The following CCDC15 variants were observed in gnomAD, a reference collection of about 807,000 sequenced individuals.
CCDC15 encodes the protein coiled-coil domain containing 15, also known as coiled-coil domain-containing protein 15.
Under a neutral mutation model 114.5 loss-of-function variants are expected in CCDC15, and 105 were observed. That is an observed-to-expected ratio of 0.92 (90% CI 0.78 to 1.08). The LOEUF (loss-of-function observed/expected upper bound fraction) is 1.08. Ranked by LOEUF, CCDC15 falls within the 50% of genes least tolerant of loss-of-function variation. The probability of loss-of-function intolerance (pLI) is 0.00; values close to 1 mark genes in which losing one functional copy is unlikely to be tolerated. For missense variants in CCDC15, 1,105 were observed against 1,093.6 expected, an observed-to-expected ratio of 1.01 and a Z score of -0.15; for synonymous variants, 334 against 377.8, an observed-to-expected ratio of 0.88 and a Z score of 1.34.
Position 124,988,130 on chromosome 11 carries a change from A to T in CCDC15, c.1904A>T (p.Tyr635Phe), listed in dbSNP as rs1565368651. Residue 635 changes from tyrosine to phenylalanine, a missense_variant, in exon 8 of 16, where the codon TAT becomes TTT. Physicochemically the swap from Tyr to Phe is conservative, Grantham distance 22 (BLOSUM62 3). Transcript: ENST00000344762. The part of the protein sequence containing the change: ...KCQDQDFLPK[Y>F]QKVHFKEPYS... The stretch of plus-strand genomic sequence containing the variant: ...CAGGACCAAGATTTTCTACCAAAAT[A>T]TCAGGTAAAATAGAGCAGAAAGGAG... 3 of 1,609,040 alleles carry T rather than the reference A, an allele frequency of 1.9e-6. No individual in the cohort carries two copies. The highest frequency in any genetic ancestry group is 8.5e-7 in the Non-Finnish European group (1 of 1,178,154).
intron 13 of CCDC15, among the ~76,000 whole-genome samples, chr11:125,024,537 T>C (rs984002028): frequency 6.6e-6 from 1 of 152,118 alleles, no homozygotes; most frequent in African/African-American, 2.4e-5. Context: ...TTGTCAAATC[T>C]ATCCCCAAGT....
rs1948518356 is a variant in CCDC15, at chr11:125,003,896, C to T, written c.2244C>T (p.Ser748=). 6.4e-7 allele frequency: 1 copy of T among 1,564,426 alleles called. No homozygotes were observed. Among genetic ancestry groups the T allele is most frequent in the Admixed American group, 2.0e-5 (1 of 49,670 alleles). Residue 748 remains serine, a synonymous_variant, in exon 12 of 16, where the codon AGC becomes AGT. Transcript: ENST00000344762. ...LAYDRYQSGL[S]TEFQAPLAFQ... ...ATGATAGGTATCAATCAGGATTGAG[C>T]ACTGAATTCCAAGCTCCACTGGCAT...
intron 9 of CCDC15, among the ~76,000 whole-genome samples, chr11:124,991,903 C>T (rs541877469): frequency 9.9e-5 from 15 of 152,240 alleles, no homozygotes; most frequent in African/African-American, 2.4e-4. Context: ...AGGCGGGTCT[C>T]GAACTCCTGA....
chr11:125,032,691 C>G (rs917446712), intron 13 of CCDC15, among the ~76,000 whole-genome samples: 2 of 152,156 alleles, frequency 1.3e-5, no homozygotes, highest in African/African-American at 4.8e-5. Context: ...TAGCCCTCAC[C>G]CTACCAATCA....
rs184717604 is a variant in CCDC15 at position 124,970,292 on chromosome 11, T to C, written c.517-4804T>C. Among the ~76,000 whole-genome samples, 251 of 152,328 alleles carry C rather than the reference T, an allele frequency of 1.6e-3. 1 individual carries two copies. The Middle Eastern group carries it at 0.017, about 10-fold the overall frequency. On this transcript the variant is annotated intron_variant, in intron 4 of 15. Coordinates refer to ENST00000344762, the MANE Select transcript of CCDC15 (RefSeq NM_025004.3). The stretch of plus-strand genomic sequence containing the variant: ...GGTAAGGAATATTTATTGGCCCAGC[T>C]TGCCTTTTTGCATTAGGTCTACATT...
At chr11:124,973,623 A>ATTTTTT (rs1565359715) in intron 4 of CCDC15, among the ~76,000 whole-genome samples, 47 of 151,768 alleles carry the variant, frequency 3.1e-4, no homozygotes, top group African/African-American at 1.1e-3. Context: ...AAGCCATAAA[A>ATTTTTT]TTTATTTTAT....
intron 13 of CCDC15, among the ~76,000 whole-genome samples, chr11:125,005,843 A>G (rs556670632): frequency 6.6e-6 from 1 of 152,182 alleles, no homozygotes; most frequent in South Asian, 2.1e-4. Context: ...GGCTTTTTAT[A>G]CTTAGAAATA....
intron 4 of CCDC15, among the ~76,000 whole-genome samples, chr11:124,963,048 A>G (rs567593476): frequency 6.6e-6 from 1 of 152,282 alleles, no homozygotes; most frequent in South Asian, 2.1e-4. Flanking sequence ...CCAGTCTATC[A>G]CTGATGGACA....
At chr11:125,010,767 G>A (rs544381982) in intron 13 of CCDC15, among the ~76,000 whole-genome samples, 1 of 152,266 alleles carries the variant, frequency 6.6e-6, no homozygotes, top group Admixed American at 6.5e-5. Context: ...GCACTTGATA[G>A]TTTCTCTTGC....
In CCDC15 at chr11:124,986,685, GTGTGTT is replaced by G. The variant is rs776650364; in HGVS notation, c.754-51_754-46del. On this transcript the variant is annotated intron_variant, in intron 6 of 15. Transcript: ENST00000344762. ...CATGGTGCTGTGTGTGTGTGTGTGT[GTGTGTT>G]TGTGTGTGTGCGCGCGCGCGCGTGC... The G allele has an allele frequency of 1.8e-3, 2,557 of 1,394,808 alleles. 37 individuals carry two copies. Among genetic ancestry groups the G allele is most frequent in the South Asian group, 3.9e-3 (268 of 68,128 alleles). 86.4% of individuals were successfully genotyped at this position (1,394,808 alleles called of 1,614,324 possible). A position where few individuals can be genotyped will look rare whatever the true frequency, so the allele number is the denominator to read the frequency against.
rs191802674 is a variant in CCDC15, at chr11:125,004,565, T to C, written c.2308-544T>C. On this transcript the variant is annotated intron_variant, in intron 12 of 15. Transcript: ENST00000344762. ...TTGCTCATCGAATAGCTTGTGTATTTAAAAGAGTATATATAAATCCAGAGG... is the reference window on the plus strand; with the variant it reads ...TTGCTCATCGAATAGCTTGTGTATTCAAAAGAGTATATATAAATCCAGAGG... Among the ~76,000 whole-genome samples the C allele has an allele frequency of 5.3e-3, 804 of 152,138 alleles. 6 individuals carry two copies. Among genetic ancestry groups the C allele is most frequent in the African/African-American group, 0.018 (749 of 41,554 alleles).
intron 5 of CCDC15, among the ~76,000 whole-genome samples, chr11:124,976,839 G>A (rs1015015715): frequency 1.3e-5 from 2 of 152,078 alleles, no homozygotes; most frequent in African/African-American, 4.8e-5. Flanking sequence ...ATTCATTATT[G>A]TTATGGTGAT....
chr11:125,005,439 T>C (rs931624270), intron 13 of CCDC15, among the ~76,000 whole-genome samples: 10 of 152,210 alleles, frequency 6.6e-5, no homozygotes, highest in Admixed American at 3.9e-4. Flanking sequence ...CACAGCAAAA[T>C]TGAGCAGAAA....
At chr11:124,955,543 G>A (rs139098559) in intron 2 of CCDC15, among the ~76,000 whole-genome samples, 1 of 152,288 alleles carries the variant, frequency 6.6e-6, no homozygotes, top group East Asian at 1.9e-4. Context: ...TGAGCTCCTT[G>A]AGCGTAGAGA....
chr11:125,004,357 G>T (rs756328499), intron 12 of CCDC15, among the ~76,000 whole-genome samples: 2 of 151,532 alleles, frequency 1.3e-5, no homozygotes, highest in African/African-American at 2.4e-5. Flanking sequence ...ATACAAATAT[G>T]CCTAGATCTA....
In CCDC15 at chr11:125,040,832, A is replaced by G; in HGVS notation, c.*121A>G. 1 of 834,454 alleles carries G rather than the reference A, an allele frequency of 1.2e-6. No homozygotes were observed. The highest frequency in any genetic ancestry group is 1.7e-5 in the African/African-American group (1 of 58,506). The allele number at this position is 834,454 out of a possible 1,614,324, so 51.7% of individuals were successfully genotyped here. A position where few individuals can be genotyped will look rare whatever the true frequency, so the allele number is the denominator to read the frequency against. ...AATCTGGGAAGAAATACTGTCTCAT[A>G]TAATAATTAGATTGTAATCATTGTT... On this transcript the variant is annotated 3_prime_UTR_variant, in exon 16 of 16. Transcript: ENST00000344762.
chr11:124,963,730 T>C (rs895127301), intron 4 of CCDC15, among the ~76,000 whole-genome samples: 3 of 152,240 alleles, frequency 2.0e-5, no homozygotes, highest in Non-Finnish European at 1.5e-5. Flanking sequence ...GCCTGTGTCC[T>C]GAATGGTATT....
At chr11:124,976,545 T>G (rs928259469) in intron 5 of CCDC15, among the ~76,000 whole-genome samples, 13 of 152,226 alleles carry the variant, frequency 8.5e-5, no homozygotes, top group Admixed American at 3.9e-4. Context: ...TATCGTGGTT[T>G]GGTAGTACTA....
chr11:124,982,078 CAG>C (rs1364078346), intron 6 of CCDC15, among the ~76,000 whole-genome samples: 1 of 151,912 alleles, frequency 6.6e-6, no homozygotes, highest in East Asian at 1.9e-4. Context: ...GTTATTTGTT[CAG>C]AGTCTGTTTT....
Sources: gnomAD v4.1 joint callset for allele counts (sites outside exome capture counted in the v4.1 genomes callset) on GRCh38, gnomAD v4.1.1 for gene constraint, MANE v1.5 for transcripts, NCBI Gene and HGNC (gene_info 2026-07-23, HGNC 2026-07-21) for gene names.